Variants in ROCK1 observed in about 807,000 individuals in gnomAD.
The protein encoded by ROCK1 is Rho associated coiled-coil containing protein kinase 1, also known as rho-associated protein kinase 1.
ROCK1 carries 36 observed loss-of-function variants against 196.8 expected under a neutral mutation model. That is an observed-to-expected ratio of 0.18 (90% CI 0.14 to 0.24). The LOEUF (loss-of-function observed/expected upper bound fraction) is 0.24, where lower values mean the gene tolerates loss of function less well. Among genes scored for constraint, ROCK1 ranks in the 10% least tolerant of loss-of-function variants. The pLI is 1.00. For missense variants in ROCK1, 920 were observed against 1,562.0 expected, an observed-to-expected ratio of 0.59 and a Z score of 6.93; for synonymous variants, 443 against 515.9, an observed-to-expected ratio of 0.86 and a Z score of 1.91.
At chr18:20,954,449 G>A (rs1326453945) in intron 31 of ROCK1, among the ~76,000 whole-genome samples, 1 of 150,366 alleles carries the variant, frequency 6.7e-6, no homozygotes, top group Non-Finnish European at 1.5e-5. Flanking sequence ...GGTGGCACAC[G>A]CCTATAGTCC....
chr18:20,993,076 A>C, intron 16 of ROCK1, 139 bp from the exon 17 acceptor site: 2 of 575,218 alleles, frequency 3.5e-6, no homozygotes, highest in East Asian at 5.7e-5. Flanking sequence ...AAGTGTTTTC[A>C]CAATAAACAC....
chr18:20,953,951 TAAAA>T (rs1028451826), intron 31 of ROCK1, among the ~76,000 whole-genome samples, 166 bp from the exon 32 acceptor site: 1 of 148,996 alleles, frequency 6.7e-6, no homozygotes, highest in African/African-American at 2.5e-5. Flanking sequence ...AGGCTGAAAT[TAAAA>T]AAAAAAATTA....
At chr18:21,030,897 G>A (rs763534467) in intron 9 of ROCK1, among the ~76,000 whole-genome samples, 5 of 152,078 alleles carry the variant, frequency 3.3e-5, no homozygotes, top group Non-Finnish European at 5.9e-5. Context: ...TGGCAAAAAC[G>A]ACCAGAGCAA....
chr18:21,055,576 T>C (rs2036239689), intron 2 of ROCK1, among the ~76,000 whole-genome samples: 1 of 152,220 alleles, frequency 6.6e-6, no homozygotes, highest in African/African-American at 2.4e-5. Context: ...CCTCCACTCA[T>C]GCACTAGATG....
intron 1 of ROCK1, among the ~76,000 whole-genome samples, chr18:21,088,848 C>T (rs1025770872): frequency 1.3e-5 from 2 of 152,118 alleles, no homozygotes; most frequent in African/African-American, 2.4e-5. Context: ...TTCTTGGATT[C>T]AGAGACTAGA....
intron 9 of ROCK1, among the ~76,000 whole-genome samples, chr18:21,033,462 T>G (rs972921300): frequency 6.6e-6 from 1 of 152,080 alleles, no homozygotes; most frequent in African/African-American, 2.4e-5. Flanking sequence ...TTCAACACTT[T>G]ACTGGAAGCT....
intron 14 of ROCK1, among the ~76,000 whole-genome samples, chr18:21,007,142 A>C (rs1403047632): frequency 6.6e-6 from 1 of 152,094 alleles, no homozygotes; most frequent in East Asian, 1.9e-4. Context: ...AAAAATACAA[A>C]ATTTAAAAGG....
intron 25 of ROCK1, among the ~76,000 whole-genome samples, chr18:20,968,184 T>TA (rs1247592703): frequency 2.0e-5 from 3 of 152,158 alleles, no homozygotes; most frequent in Non-Finnish European, 4.4e-5. Flanking sequence ...GAATCAAGAG[T>TA]ATGCTAATCC....
chr18:20,985,531 G>A (rs2035570771), intron 19 of ROCK1, among the ~76,000 whole-genome samples: 2 of 152,126 alleles, frequency 1.3e-5, no homozygotes, highest in South Asian at 2.1e-4. Flanking sequence ...ATAGCATTCC[G>A]TACTTTCTTT....
intron 4 of ROCK1, among the ~76,000 whole-genome samples, chr18:21,048,797 G>A (rs1301954452): frequency 7.2e-5 from 11 of 151,960 alleles, no homozygotes; most frequent in African/African-American, 2.2e-4. Flanking sequence ...CTATCCTCCC[G>A]CCTTGTCCTC....
rs2035903924 is a variant in ROCK1, at chr18:21,020,366, T to G, written c.1273-127A>C. ...TTTAATTTAATCTTACCTCTTTCTA[T>G]CTCAATTTTTTTATTATTAATTTAA... On this transcript the variant is annotated intron_variant, in intron 11 of 32. Transcript: ENST00000399799. 3 of 467,024 alleles carry G rather than the reference T, an allele frequency of 6.4e-6. No homozygotes were observed. The South Asian group carries it at 1.2e-4, about 19-fold the overall frequency. 28.9% of individuals were successfully genotyped at this position (467,024 alleles called of 1,614,324 possible).
chr18:21,025,740 A>AAT (rs1015752479), intron 10 of ROCK1, among the ~76,000 whole-genome samples: 10 of 152,034 alleles, frequency 6.6e-5, no homozygotes. Context: ...TTGTTTCAAA[A>AAT]ATATATATAT....
intron 27 of ROCK1, chr18:20,960,681 A>T (rs945662372): frequency 7.2e-5 from 11 of 152,504 alleles, no homozygotes; most frequent in African/African-American, 2.7e-4. Flanking sequence ...AGAATAGAAG[A>T]TAAATAAATA....
At chr18:21,076,363 G>A (rs1193168715) in intron 1 of ROCK1, among the ~76,000 whole-genome samples, 1 of 152,076 alleles carries the variant, frequency 6.6e-6, no homozygotes, top group African/African-American at 2.4e-5. Flanking sequence ...AATTAGCTGG[G>A]CATGGTGGCA....
At chr18:21,013,093 T>A (rs1379970336) in intron 13 of ROCK1, among the ~76,000 whole-genome samples, 1 of 152,240 alleles carries the variant, frequency 6.6e-6, no homozygotes, top group Admixed American at 6.5e-5. Flanking sequence ...AACATCTGTG[T>A]CATCTCAGCA....
intron 22 of ROCK1, 88 bp downstream of exon 22, chr18:20,979,822 C>A (rs955114770): frequency 7.1e-7 from 1 of 1,399,890 alleles, no homozygotes; most frequent in African/African-American, 1.5e-5. Context: ...CCATTCCCAC[C>A]AGAATAATGG....
chr18:21,105,805 A>G (rs2143608318), intron 1 of ROCK1, among the ~76,000 whole-genome samples: 1 of 152,330 alleles, frequency 6.6e-6, no homozygotes, highest in African/African-American at 2.4e-5. Flanking sequence ...AAAAATAAAG[A>G]TTTGGGTATC....
chr18:21,097,264 T>C (rs1392646553), intron 1 of ROCK1, among the ~76,000 whole-genome samples: 1 of 152,212 alleles, frequency 6.6e-6, no homozygotes, highest in African/African-American at 2.4e-5. Context: ...AATCCAAGAA[T>C]GTTGGGATGA....
intron 16 of ROCK1, among the ~76,000 whole-genome samples, chr18:20,996,345 A>C (rs1425809234): frequency 6.6e-6 from 1 of 152,192 alleles, no homozygotes; most frequent in East Asian, 1.9e-4. Context: ...GTGAGCTTGA[A>C]GACAGACTAT....
Sources: gnomAD v4.1 joint callset for allele counts (sites outside exome capture counted in the v4.1 genomes callset) on GRCh38, gnomAD v4.1.1 for gene constraint, MANE v1.5 for transcripts, NCBI Gene and HGNC (gene_info 2026-07-23, HGNC 2026-07-21) for gene names.